SMOC2: variants seen among roughly 807,000 people sequenced by gnomAD.
The protein encoded by SMOC2 is SPARC-related modular calcium-binding protein 2.
In SMOC2, 39 loss-of-function variants were observed where a neutral mutation model predicts 61.4. That is an observed-to-expected ratio of 0.64 (90% CI 0.49 to 0.83). SMOC2 has a LOEUF of 0.83. Ranked by LOEUF, SMOC2 falls within the 40% of genes least tolerant of loss-of-function variation. The pLI is 0.00. For missense variants in SMOC2, 556 were observed against 592.9 expected, an observed-to-expected ratio of 0.94 and a Z score of 0.65; for synonymous variants, 247 against 239.9, an observed-to-expected ratio of 1.03 and a Z score of -0.27.
At chr6:168,536,252 A>G (rs1409249561) in intron 4 of SMOC2, among the ~76,000 whole-genome samples, 2 of 152,102 alleles carry the variant, frequency 1.3e-5, no homozygotes, top group Non-Finnish European at 2.9e-5. Flanking sequence ...GGATCCTAGG[A>G]TGGTCAAGGG....
intron 1 of SMOC2, among the ~76,000 whole-genome samples, chr6:168,476,638 G>T (rs1049667943): frequency 1.1e-4 from 17 of 152,044 alleles, no homozygotes; most frequent in African/African-American, 3.9e-4. Flanking sequence ...ATATAGATGT[G>T]TGTGTGTACA....
chr6:168,459,696 C>A (rs1423437841), intron 1 of SMOC2, among the ~76,000 whole-genome samples: 2 of 129,810 alleles, frequency 1.5e-5, no homozygotes, highest in Non-Finnish European at 3.2e-5. Flanking sequence ...GTGGGTGAGC[C>A]CTGGGGTGGG....
intron 9 of SMOC2, among the ~76,000 whole-genome samples, chr6:168,628,093 T>C (rs1196193146): frequency 6.6e-6 from 1 of 152,344 alleles, no homozygotes; most frequent in South Asian, 2.1e-4. Context: ...CTTGCCTTCC[T>C]TGGCCTCCCT....
At chr6:168,622,246 G>A (rs1234368055) in intron 9 of SMOC2, among the ~76,000 whole-genome samples, 1 of 152,132 alleles carries the variant, frequency 6.6e-6, no homozygotes, top group Non-Finnish European at 1.5e-5. Flanking sequence ...GATTACAGGT[G>A]TGAGCCACTG....
chr6:168,499,071 G>A (rs896061491), intron 1 of SMOC2, among the ~76,000 whole-genome samples: 2 of 133,228 alleles, frequency 1.5e-5, no homozygotes, highest in African/African-American at 6.1e-5. Flanking sequence ...CCCATAGCCT[G>A]TCTACTACAC....
chr6:168,513,484 TACACACAC>T (rs910887205), intron 2 of SMOC2, among the ~76,000 whole-genome samples: 4 of 27,316 alleles, frequency 1.5e-4, no homozygotes, highest in African/African-American at 4.2e-4. Context: ...CACACATACA[TACACACAC>T]ACACACACAC....
chr6:168,494,308 G>A (rs937263564), intron 1 of SMOC2, among the ~76,000 whole-genome samples: 7 of 152,180 alleles, frequency 4.6e-5, no homozygotes, highest in African/African-American at 1.4e-4. Flanking sequence ...TGGTAGGGCA[G>A]GCATGTGATA....
At chr6:168,659,513 G>A (rs1787421487) in intron 11 of SMOC2, among the ~76,000 whole-genome samples, 4 of 149,952 alleles carry the variant, frequency 2.7e-5, no homozygotes, top group East Asian at 2.0e-4. Context: ...TGAGGGTGGA[G>A]GTTGTAGGTT....
chr6:168,492,733 G>T (rs1216319697), intron 1 of SMOC2, among the ~76,000 whole-genome samples: 2 of 152,214 alleles, frequency 1.3e-5, no homozygotes. Flanking sequence ...ACAAAATGTG[G>T]ATGGTGACCA....
Position 168,615,252 on chromosome 6 carries a change from G to T in SMOC2, c.907+7013G>T, listed in dbSNP as rs557533910. Among the ~76,000 whole-genome samples the T allele has an allele frequency of 6.1e-4, 56 of 91,072 alleles. 3 individuals are homozygous for T. Among genetic ancestry groups the T allele is most frequent in the Non-Finnish European group, 9.8e-4 (44 of 44,786 alleles). The allele number at this position is 91,072 out of a possible 152,430, so 59.7% of individuals were successfully genotyped here. ...CGGGGCCTCTTCACACCTACAGCCAGCACGGGGCCTTTTCACACCTACAGC... is the reference window on the plus strand; with the variant it reads ...CGGGGCCTCTTCACACCTACAGCCATCACGGGGCCTTTTCACACCTACAGC... On this transcript the variant is annotated intron_variant, in intron 9 of 12. Transcript: ENST00000356284.
chr6:168,547,276 G>C lies in SMOC2; in HGVS notation c.562+107G>C, dbSNP rs9456181. ...TCTTGTTAGAGCTCCGTTCAGTATGGAGTGTAACATGCCAGACACAGACAG... is the reference window on the plus strand; with the variant it reads ...TCTTGTTAGAGCTCCGTTCAGTATGCAGTGTAACATGCCAGACACAGACAG... On this transcript the variant is annotated intron_variant, in intron 6 of 12. Coordinates refer to ENST00000356284, the MANE Select transcript of SMOC2 (RefSeq NM_001166412.2). The C allele has an allele frequency of 0.35, 313,716 of 889,848 alleles. 60,514 individuals carry two copies. Among genetic ancestry groups the C allele is most frequent in the East Asian group, 0.66 (27,081 of 40,732 alleles). 55.1% of individuals were successfully genotyped at this position (889,848 alleles called of 1,614,324 possible).
At chr6:168,510,108 C>T (rs1417456122) in intron 2 of SMOC2, 22 bp downstream of exon 2, 2 of 1,608,314 alleles carry the variant, frequency 1.2e-6, no homozygotes, top group Admixed American at 3.3e-5. Flanking sequence ...TTTGATCATT[C>T]ATCCAAAGAT....
At chr6:168,455,287 G>T (rs1456550796) in intron 1 of SMOC2, among the ~76,000 whole-genome samples, 2 of 152,224 alleles carry the variant, frequency 1.3e-5, no homozygotes, top group African/African-American at 4.8e-5. Flanking sequence ...AGATATAAAA[G>T]AATTAACTGG....
At chr6:168,583,670 C>T (rs969801243) in intron 7 of SMOC2, among the ~76,000 whole-genome samples, 3 of 152,204 alleles carry the variant, frequency 2.0e-5, no homozygotes, top group African/African-American at 7.2e-5. Context: ...GGAGCCTCCC[C>T]CGCCTCTTGC....
intron 1 of SMOC2, among the ~76,000 whole-genome samples, chr6:168,468,192 G>A (rs1781887150): frequency 6.6e-6 from 1 of 152,184 alleles, no homozygotes; most frequent in Admixed American, 6.5e-5. Context: ...AGACCATCCT[G>A]CTGTGCACAC....
At chr6:168,624,488 A>G (rs1211460602) in intron 9 of SMOC2, among the ~76,000 whole-genome samples, 4 of 152,190 alleles carry the variant, frequency 2.6e-5, no homozygotes, top group African/African-American at 9.7e-5. Context: ...CTCTCATGTA[A>G]TGGAGCACAA....
intron 8 of SMOC2, among the ~76,000 whole-genome samples, chr6:168,601,372 C>T (rs1487126256): frequency 2.6e-5 from 4 of 152,258 alleles, no homozygotes; most frequent in Admixed American, 6.5e-5. Flanking sequence ...CGACACTGCA[C>T]AGGGGTGCTG....
intron 7 of SMOC2, among the ~76,000 whole-genome samples, chr6:168,566,205 A>G (rs1231579140): frequency 2.0e-5 from 3 of 152,080 alleles, no homozygotes; most frequent in Non-Finnish European, 4.4e-5. Flanking sequence ...TAGAATAAAT[A>G]ATTCTATCTT....
intron 4 of SMOC2, among the ~76,000 whole-genome samples, chr6:168,537,975 C>T (rs1048822153): frequency 2.6e-5 from 4 of 152,148 alleles, no homozygotes; most frequent in African/African-American, 4.8e-5. Context: ...GTGGGGTGAG[C>T]TCTGCTGGAA....
Sources: allele counts gnomAD v4.1 joint callset (sites outside exome capture counted in the v4.1 genomes callset), GRCh38; gene constraint gnomAD v4.1.1; transcripts MANE v1.5; gene names NCBI Gene and HGNC (gene_info 2026-07-23, HGNC 2026-07-21).